The following ZNF385D variants were observed in gnomAD, a reference collection of about 807,000 sequenced individuals.
ZNF385D encodes zinc finger protein 659.
A neutral mutation model predicts 35.8 loss-of-function variants in ZNF385D; 15 were observed. The ratio of observed to expected loss-of-function variants is 0.42; its 90% CI spans 0.28 to 0.64. ZNF385D has a LOEUF of 0.64. ZNF385D is among the 30% of genes least tolerant of loss of function. The probability of loss-of-function intolerance (pLI) is 0.23; values close to 1 mark genes in which losing one functional copy is unlikely to be tolerated. For missense variants in ZNF385D, 474 were observed against 494.6 expected (o/e 0.96, Z 0.39); for synonymous variants, 212 against 186.8 (o/e 1.13, Z -1.10).
chr3:21,815,902 C>T (rs944268998), intron 3 of ZNF385D, among the ~76,000 whole-genome samples: 4 of 152,184 alleles, frequency 2.6e-5, no homozygotes, highest in Non-Finnish European at 5.9e-5. Flanking sequence ...AGACCAATAT[C>T]CCTGATGAAC....
At chr3:21,526,122 C>CA (rs1322908835) in intron 3 of ZNF385D, among the ~76,000 whole-genome samples, 2 of 151,984 alleles carry the variant, frequency 1.3e-5, no homozygotes, top group Admixed American at 6.6e-5. Flanking sequence ...GTTAAAACAA[C>CA]AAAAGAACTT....
chr3:22,124,420 T>A lies in ZNF385D; in HGVS notation c.325+44397A>T, dbSNP rs192211129. 1.4e-4 allele frequency among the ~76,000 whole-genome samples: 22 copies of A among 152,270 alleles called. No individual in the cohort carries two copies. The East Asian group carries it at 3.5e-3, about 24-fold the overall frequency. ...TGCAGATATCTCTTTGATATACTGA[T>A]TTCCTTTTTAGGGTATACATACTTA... On this transcript the variant is annotated intron_variant, in intron 3 of 5. Transcript: ENST00000494108.
chr3:21,783,377 A>C (rs972553529), intron 3 of ZNF385D, among the ~76,000 whole-genome samples: 1 of 152,178 alleles, frequency 6.6e-6, no homozygotes, highest in African/African-American at 2.4e-5. Flanking sequence ...GGAGAGCCAG[A>C]GTAGAGACCT....
intron 3 of ZNF385D, among the ~76,000 whole-genome samples, chr3:21,932,248 A>G (rs1477007431): frequency 6.7e-6 from 1 of 150,360 alleles, no homozygotes; most frequent in Non-Finnish European, 1.5e-5. Flanking sequence ...GTGATATAGG[A>G]AACAGTAATC....
At chr3:21,556,068 GT>G (rs148079775) in intron 3 of ZNF385D, among the ~76,000 whole-genome samples, 19,614 of 99,342 alleles carry the variant, frequency 0.2, 1,436 homozygotes, top group African/African-American at 0.31. Context: ...TTTTGTTTTT[GT>G]TTTTTTTTTT....
intron 3 of ZNF385D, among the ~76,000 whole-genome samples, chr3:22,111,196 G>T (rs1367730283): frequency 1.9e-5 from 2 of 107,618 alleles, no homozygotes; most frequent in African/African-American, 7.1e-5. Flanking sequence ...GTACTCTCAG[G>T]AGACTGTTTT....
chr3:22,361,016 C>T (rs565931894), intron 2 of ZNF385D, among the ~76,000 whole-genome samples: 1 of 152,080 alleles, frequency 6.6e-6, no homozygotes, highest in African/African-American at 2.4e-5. Context: ...TTAAAATATC[C>T]CATTTCATTT....
intron 3 of ZNF385D, among the ~76,000 whole-genome samples, chr3:21,763,745 A>G (rs1416504848): frequency 2.6e-5 from 4 of 151,422 alleles, no homozygotes; most frequent in Non-Finnish European, 4.4e-5. Context: ...AATATGTAGC[A>G]TCTACCCTTC....
At chr3:21,793,112 C>A (rs2071996855) in intron 3 of ZNF385D, among the ~76,000 whole-genome samples, 1 of 152,038 alleles carries the variant, frequency 6.6e-6, no homozygotes, top group Non-Finnish European at 1.5e-5. Flanking sequence ...CAAAAGTTAG[C>A]ATTATTATAT....
intron 3 of ZNF385D, among the ~76,000 whole-genome samples, chr3:22,099,832 G>A (rs547718346): frequency 1.3e-5 from 2 of 152,134 alleles, no homozygotes; most frequent in Non-Finnish European, 2.9e-5. Context: ...GGCTACTACT[G>A]TAAGAATGAA....
intron 2 of ZNF385D, among the ~76,000 whole-genome samples, chr3:22,325,492 G>A (rs935703336): frequency 3.3e-5 from 5 of 152,106 alleles, no homozygotes; most frequent in Admixed American, 6.5e-5. Flanking sequence ...GGACAGGCAC[G>A]GTGATGCACG....
At chr3:22,093,261 C>A (rs1315566492) in intron 3 of ZNF385D, among the ~76,000 whole-genome samples, 2 of 151,900 alleles carry the variant, frequency 1.3e-5, no homozygotes, top group Non-Finnish European at 2.9e-5. Flanking sequence ...AAAAAGTAAA[C>A]CCAACATCTA....
chr3:21,849,978 C>T (rs1046862962), intron 3 of ZNF385D, among the ~76,000 whole-genome samples: 2 of 151,898 alleles, frequency 1.3e-5, no homozygotes, highest in African/African-American at 2.4e-5. Flanking sequence ...TCCTGGACTC[C>T]AGAGGTCCTC....
At chr3:22,309,170 T>C (rs553025296) in intron 2 of ZNF385D, among the ~76,000 whole-genome samples, 32 of 152,186 alleles carry the variant, frequency 2.1e-4, no homozygotes, top group African/African-American at 7.7e-4. Context: ...CTATTCACCA[T>C]TTTGAAAAAG....
chr3:22,142,057 T>C (rs1704537801), intron 3 of ZNF385D, among the ~76,000 whole-genome samples: 1 of 152,148 alleles, frequency 6.6e-6, no homozygotes, highest in Non-Finnish European at 1.5e-5. Context: ...TGTGAGTAAC[T>C]GAAACATGAG....
At chr3:22,209,443 A>G (rs1408510472) in intron 2 of ZNF385D, among the ~76,000 whole-genome samples, 3 of 151,884 alleles carry the variant, frequency 2.0e-5, no homozygotes, top group Admixed American at 6.6e-5. Context: ...ACATTTTATT[A>G]TTAATGATTT....
At chr3:21,464,942 G>A (rs2125323908) in intron 4 of ZNF385D, among the ~76,000 whole-genome samples, 1 of 152,092 alleles carries the variant, frequency 6.6e-6, no homozygotes, top group Non-Finnish European at 1.5e-5. Flanking sequence ...GCAGACAGAG[G>A]AATCCAAGCA....
At chr3:22,343,921 C>A (rs1695535063) in intron 2 of ZNF385D, among the ~76,000 whole-genome samples, 1 of 151,964 alleles carries the variant, frequency 6.6e-6, no homozygotes, top group South Asian at 2.1e-4. Context: ...TTACATTTTA[C>A]CACATCCATT....
intron 3 of ZNF385D, among the ~76,000 whole-genome samples, chr3:22,110,409 C>T (rs1020033603): frequency 5.9e-4 from 90 of 151,974 alleles, no homozygotes; most frequent in Non-Finnish European, 1.0e-3. Context: ...CAATGATAGA[C>T]TGGATTAAGA....
Sources: gnomAD v4.1 joint callset for allele counts (sites outside exome capture counted in the v4.1 genomes callset) on GRCh38, gnomAD v4.1.1 for gene constraint, MANE v1.5 for transcripts, NCBI Gene and HGNC (gene_info 2026-07-23, HGNC 2026-07-21) for gene names.